DGLUCY: variants seen among roughly 807,000 people sequenced by gnomAD.
The protein encoded by DGLUCY is D-glutamate cyclase.
In DGLUCY, 58 loss-of-function variants were observed where a neutral mutation model predicts 58.5. The observed-to-expected ratio is 0.99, with a 90% CI of 0.80 to 1.23. The LOEUF (loss-of-function observed/expected upper bound fraction) is 1.23, where lower values mean the gene tolerates loss of function less well. DGLUCY is among the 50% of genes most tolerant of loss of function. The probability of loss-of-function intolerance (pLI) is 0.00; values close to 1 mark genes in which losing one functional copy is unlikely to be tolerated. For missense variants in DGLUCY, 779 were observed against 784.7 expected (o/e 0.99, Z 0.09); for synonymous variants, 325 against 314.1 (o/e 1.03, Z -0.37).
upstream of DGLUCY, among the ~76,000 whole-genome samples, chr14:91,105,807 G>A (rs189837930): frequency 1.6e-3 from 240 of 152,254 alleles, 2 homozygotes; most frequent in Middle Eastern, 3.4e-3. Context: ...TTGTGTAAAC[G>A]TCATAGACTG....
chr14:91,151,057 A>C (rs1307926570), intron 1 of DGLUCY, among the ~76,000 whole-genome samples: 1 of 152,214 alleles, frequency 6.6e-6, no homozygotes, highest in Non-Finnish European at 1.5e-5. Flanking sequence ...TAGAAATGGA[A>C]TCATACAATA....
intron 8 of DGLUCY, among the ~76,000 whole-genome samples, chr14:91,184,604 A>AAGGAAAT (rs2049380588): frequency 1.2e-5 from 1 of 84,728 alleles, no homozygotes; most frequent in African/African-American, 5.4e-5. Context: ...GGAGGGAGGG[A>AAGGAAAT]GTCTGATTCT....
At chr14:91,215,819 T>C in intron 13 of DGLUCY, 2 of 1,178,622 alleles carry the variant, frequency 1.7e-6, no homozygotes, top group Non-Finnish European at 2.2e-6. Flanking sequence ...TCTCTGAGCC[T>C]CATTTTCTTC....
chr14:91,196,589 G>A (rs1595892981), intron 10 of DGLUCY, 115 bp downstream of exon 10: 4 of 831,036 alleles, frequency 4.8e-6, no homozygotes, highest in Non-Finnish European at 3.9e-6. Flanking sequence ...GAAGCCATGA[G>A]CCAAGGAAGA....
At position 91,211,800 on chromosome 14, in the gene DGLUCY, T is replaced by TTTGATTGATTGATTGA. The variant is rs79998257; in HGVS notation, c.1565-3600_1565-3585dup. On this transcript the variant is annotated intron_variant, in intron 12 of 13. Coordinates refer to ENST00000256324, the MANE Select transcript of DGLUCY (RefSeq NM_001102368.3). Reference sequence around the variant, plus strand: ...TGATTATGACTTCTTTTTATTTTAATTTGATTGATTGATTGATTGAGACTG... The same window carrying TTTGATTGATTGATTGA: ...TGATTATGACTTCTTTTTATTTTAATTTGATTGATTGATTGATTGATTGATTGATTGATTGAGACTG... Among the ~76,000 whole-genome samples the TTTGATTGATTGATTGA allele has an allele frequency of 9.0e-4, 136 of 151,788 alleles. No individual in the cohort carries two copies. The Middle Eastern group carries it at 0.017, about 19-fold the overall frequency.
In DGLUCY at chr14:91,196,405, C is replaced by T; in HGVS notation, c.1226C>T (p.Thr409Ile). 1 of 1,614,120 alleles carries T rather than the reference C, an allele frequency of 6.2e-7. No homozygotes were observed. Among genetic ancestry groups the T allele is most frequent in the South Asian group, 1.1e-5 (1 of 91,084 alleles). ...GVLKTQIPIL[T>I]YQGGSVEAAQ... Reference sequence around the variant, plus strand: ...CTGAAGACGCAGATCCCGATATTAACTTACCAAGGTGGATCAGTGGAAGCT... The same window carrying T: ...CTGAAGACGCAGATCCCGATATTAATTTACCAAGGTGGATCAGTGGAAGCT... Residue 409 changes from threonine to isoleucine, a missense_variant, in exon 10 of 14, where the codon ACT (threonine) becomes ATT (isoleucine). Transcript: ENST00000256324.
chr14:91,109,107 C>G (rs1042706167), upstream of DGLUCY, among the ~76,000 whole-genome samples: 3 of 152,282 alleles, frequency 2.0e-5, no homozygotes, highest in African/African-American at 7.2e-5. Context: ...ATGCGGGCCT[C>G]GTGCCTCTTT....
Position 91,189,042 on chromosome 14 carries a change from CAGATGGCCCA to C in DGLUCY, c.1068_1077del (p.Asp357GlnfsTer19), listed in dbSNP as rs762419194. 6.2e-7 allele frequency: 1 copy of C among 1,614,208 alleles called. No homozygotes were observed. The highest frequency in any genetic ancestry group is 8.5e-7 in the Non-Finnish European group (1 of 1,180,040). On this transcript the variant is annotated frameshift_variant, in exon 9 of 14. Transcript: ENST00000256324. LOFTEE classifies it high-confidence loss of function. ...TTCAATCATGAGCCTCCAGAAGAGACAGATGGCCCACCAGGAGCTGTTGCTCTGGTTGCCT... is the reference window on the plus strand; with the variant it reads ...TTCAATCATGAGCCTCCAGAAGAGACCCAGGAGCTGTTGCTCTGGTTGCCT...
chr14:91,074,308 A>ATAT (rs1303578484), intron 1 of DGLUCY, among the ~76,000 whole-genome samples: 5 of 142,286 alleles, frequency 3.5e-5, no homozygotes, highest in Non-Finnish European at 6.1e-5. Flanking sequence ...AAAAAAAAAA[A>ATAT]AAAAATATAT....
intron 3 of DGLUCY, among the ~76,000 whole-genome samples, chr14:91,163,684 G>A (rs1474472678): frequency 2.6e-5 from 4 of 152,160 alleles, no homozygotes; most frequent in African/African-American, 4.8e-5. Flanking sequence ...AGGCAAGCTC[G>A]CGGGCACCCC....
At chr14:91,196,964 C>G (rs1443142947) in intron 10 of DGLUCY, among the ~76,000 whole-genome samples, 1 of 151,944 alleles carries the variant, frequency 6.6e-6, no homozygotes, top group Admixed American at 6.6e-5. Flanking sequence ...TATGGTCAAA[C>G]TTTTTTTCTT....
At position 91,199,815 on chromosome 14, in the gene DGLUCY, A is replaced by G; in HGVS notation, c.1354A>G (p.Asn452Asp). The G allele has an allele frequency of 6.2e-7, 1 of 1,614,138 alleles. No individual in the cohort carries two copies. The highest frequency in any genetic ancestry group is 1.1e-5 in the South Asian group (1 of 91,070). The change falls in exon 11 of 14, where the codon AAT (asparagine) becomes GAT (aspartate). Residue 452 changes from asparagine (N) to aspartate (D), a missense_variant. Transcript: ENST00000256324. ...AAGAGCTGCTGATGGCAATTACTAC[A>G]ATGCAAGGAAGATGAACATCAAGCA... ...AGRAADGNYY[N>D]ARKMNIKHLV...
At chr14:91,071,468 TAAAG>T (rs762469515) in intron 1 of DGLUCY, among the ~76,000 whole-genome samples, 3 of 150,150 alleles carry the variant, frequency 2.0e-5, no homozygotes, top group Non-Finnish European at 4.4e-5. Flanking sequence ...TTAATCAAAA[TAAAG>T]AAATCAAGGA....
intron 12 of DGLUCY, 58 bp from the exon 13 acceptor site, chr14:91,215,347 G>A: frequency 2.6e-6 from 4 of 1,551,854 alleles, no homozygotes; most frequent in Non-Finnish European, 3.5e-6. Flanking sequence ...CCTAGAGGCA[G>A]GCTGACAGAC....
rs982353894 is a variant in DGLUCY at position 91,188,927 on chromosome 14, C to A, written c.952C>A (p.His318Asn). 7 of 1,614,016 alleles carry A rather than the reference C, an allele frequency of 4.3e-6. No individual in the cohort carries two copies. The highest frequency in any genetic ancestry group is 5.9e-6 in the Non-Finnish European group (7 of 1,179,946). The change falls in exon 9 of 14, where the codon CAC becomes AAC. Residue 318 changes from histidine (H) to asparagine (N), a missense_variant. By Grantham distance (68) the His-to-Asn change is moderately conservative. Coordinates refer to ENST00000256324, the MANE Select transcript of DGLUCY (RefSeq NM_001102368.3). Reference sequence around the variant, plus strand: ...CATTTCAGGGAACCGGGGGATTGGGCACCTGCTCTGTAAAGATGAGCTGCT... The same window carrying A: ...CATTTCAGGGAACCGGGGGATTGGGAACCTGCTCTGTAAAGATGAGCTGCT... ...GIDPGNRGIG[H>N]LLCKDELLKA...
chr14:91,145,674 G>A (rs552938295), intron 1 of DGLUCY, among the ~76,000 whole-genome samples: 24 of 152,238 alleles, frequency 1.6e-4, no homozygotes, highest in South Asian at 1.4e-3. Context: ...GTTATTGAGC[G>A]CTTGCAACAT....
upstream of DGLUCY, among the ~76,000 whole-genome samples, chr14:91,107,594 G>A (rs530583256): frequency 1.3e-5 from 2 of 152,296 alleles, no homozygotes; most frequent in East Asian, 3.9e-4. Flanking sequence ...TGAGTGTGAA[G>A]AGATTCTGTT....
chr14:91,158,227 G>A (rs549374793), intron 2 of DGLUCY, among the ~76,000 whole-genome samples: 186 of 152,300 alleles, frequency 1.2e-3, no homozygotes, highest in Non-Finnish European at 2.3e-3. Context: ...CAGGCGTTAG[G>A]CAAGCCCAGG....
chr14:91,090,269 G>C (rs1419317754), intron 1 of DGLUCY, among the ~76,000 whole-genome samples: 3 of 152,160 alleles, frequency 2.0e-5, no homozygotes, highest in Non-Finnish European at 4.4e-5. Flanking sequence ...TTCCATCCCA[G>C]TCATGGATCT....
Sources: allele counts gnomAD v4.1 joint callset (sites outside exome capture counted in the v4.1 genomes callset), GRCh38; gene constraint gnomAD v4.1.1; transcripts MANE v1.5; gene names NCBI Gene and HGNC (gene_info 2026-07-23, HGNC 2026-07-21).